Variants in KIAA0586 observed in about 807,000 individuals in gnomAD.
KIAA0586 encodes KIAA0586, also known as protein TALPID3.
Under a neutral mutation model 169.8 loss-of-function variants are expected in KIAA0586, and 144 were observed. That is an observed-to-expected ratio of 0.85 (90% confidence interval 0.74 to 0.97). KIAA0586 has a LOEUF of 0.97. Ranked by LOEUF, KIAA0586 falls within the 50% of genes least tolerant of loss-of-function variation. The pLI is 0.00. For missense variants in KIAA0586, 1,854 were observed against 1,823.0 expected (o/e 1.02, Z -0.31); for synonymous variants, 625 against 612.4 (o/e 1.02, Z -0.30).
At chr14:58,560,083 G>C in the KIAA0586 span, among the ~76,000 whole-genome samples, 1 of 151,486 alleles carries the variant, frequency 6.6e-6, no homozygotes, top group Non-Finnish European at 1.5e-5. Flanking sequence ...CCTGGGAGGC[G>C]GAGGTTGCAG....
intron 30 of KIAA0586, among the ~76,000 whole-genome samples, chr14:58,544,805 C>G (rs2046881746): frequency 6.6e-6 from 1 of 152,236 alleles, no homozygotes; most frequent in African/African-American, 2.4e-5. Context: ...CTCCTTACTG[C>G]TTTCACAGGA....
chr14:58,507,049 G>A (rs901971273), intron 27 of KIAA0586, among the ~76,000 whole-genome samples: 1 of 151,674 alleles, frequency 6.6e-6, no homozygotes, highest in Non-Finnish European at 1.5e-5. Context: ...TCAGGATGCT[G>A]AGGTAGAAGA....
chr14:58,536,961 C>A, intron 29 of KIAA0586: 1 of 1,148,860 alleles, frequency 8.7e-7, no homozygotes, highest in East Asian at 6.2e-5. Flanking sequence ...CAAAATTTTC[C>A]TTCTCATCTT....
chr14:58,525,460 G>A (rs1036594833), intron 29 of KIAA0586, among the ~76,000 whole-genome samples: 1 of 152,016 alleles, frequency 6.6e-6, no homozygotes, highest in Non-Finnish European at 1.5e-5. Flanking sequence ...GCAAGGGGTC[G>A]GGGAACTCCC....
chr14:58,482,503 T>G lies in KIAA0586; in HGVS notation c.2945-10T>G. On this transcript the variant is annotated splice_polypyrimidine_tract_variant and intron_variant, in intron 20 of 30. Coordinates refer to ENST00000652326, the MANE Select transcript of KIAA0586 (RefSeq NM_001329943.3). Reference sequence around the variant, plus strand: ...GCCCACTTATTCTGATTTTTTTTTTTTACTTTTAGTGGAAGGAACAAGCAG... The same window carrying G: ...GCCCACTTATTCTGATTTTTTTTTTGTACTTTTAGTGGAAGGAACAAGCAG... The G allele has an allele frequency of 6.8e-7, 1 of 1,465,686 alleles. No individual in the cohort carries two copies. The highest frequency in any genetic ancestry group is 9.1e-7 in the Non-Finnish European group (1 of 1,102,414). 90.8% of individuals were successfully genotyped at this position (1,465,686 alleles called of 1,614,324 possible).
chr14:58,490,854 A>G (rs1300856178), intron 25 of KIAA0586, among the ~76,000 whole-genome samples: 1 of 152,118 alleles, frequency 6.6e-6, no homozygotes, highest in Non-Finnish European at 1.5e-5. Flanking sequence ...AGGAAAGGTA[A>G]TTGTACTCAA....
intron 20 of KIAA0586, among the ~76,000 whole-genome samples, chr14:58,480,912 T>C (rs2041989207): frequency 6.6e-6 from 1 of 152,178 alleles, no homozygotes; most frequent in African/African-American, 2.4e-5. Context: ...ACAAATTGGG[T>C]ATTTAGATCC....
chr14:58,501,148 G>A (rs2043541194), intron 27 of KIAA0586, among the ~76,000 whole-genome samples: 1 of 152,124 alleles, frequency 6.6e-6, no homozygotes, highest in Non-Finnish European at 1.5e-5. Context: ...ATGCAGATTT[G>A]CCAGAAATCA....
At position 58,488,153 on chromosome 14, in the gene KIAA0586, T is replaced by C. The variant is rs571074480; in HGVS notation, c.3527+44T>C. ...ACTAGTAACTGTACATTTCAACTTA[T>C]GTTTGACTTATGTGATCCATTGAAA... On this transcript the variant is annotated intron_variant, in intron 23 of 30. Coordinates refer to ENST00000652326, the MANE Select transcript of KIAA0586 (RefSeq NM_001329943.3). 117 of 1,401,014 alleles carry C rather than the reference T, an allele frequency of 8.4e-5. No homozygotes were observed. The East Asian group carries it at 1.7e-3, about 20-fold the overall frequency. 86.8% of individuals were successfully genotyped at this position (1,401,014 alleles called of 1,614,324 possible). A position where few individuals can be genotyped will look rare whatever the true frequency, so the allele number is the denominator to read the frequency against.
intron 30 of KIAA0586, among the ~76,000 whole-genome samples, chr14:58,546,043 A>T (rs1464883108): frequency 2.6e-5 from 4 of 152,150 alleles, no homozygotes; most frequent in Non-Finnish European, 5.9e-5. Flanking sequence ...CAAAAAAAAG[A>T]TTTAAAAAAT....
In KIAA0586 at chr14:58,448,489, A is replaced by G. The variant is rs772540949; in HGVS notation, c.957A>G (p.Lys319=). ...CTTTATATAACACATTTGCTTCCAA[A>G]CAAGGTAAAAATATGTAGTTCTCTA... ...NPSLYNTFAS[K]QAPLKEVEDT... is the part of the protein sequence containing the mutation. Residue 319 remains lysine, a synonymous_variant, in exon 7 of 31, where the codon AAA becomes AAG. Coordinates refer to ENST00000652326, the MANE Select transcript of KIAA0586 (RefSeq NM_001329943.3). 6.2e-7 allele frequency: 1 copy of G among 1,601,830 alleles called. No individual in the cohort carries two copies. Among genetic ancestry groups the G allele is most frequent in the South Asian group, 1.1e-5 (1 of 89,198 alleles).
Position 58,548,000 on chromosome 14 carries a change from C to T in KIAA0586, c.*68C>T, listed in dbSNP as rs776278001. 93 of 1,573,546 alleles carry T rather than the reference C, an allele frequency of 5.9e-5. No homozygotes were observed. The Middle Eastern group carries it at 8.4e-4, about 14-fold the overall frequency. ...AAAGTCATTTTACCTTGGCTTAAAA[C>T]CCTCTCTCAGACTGTTTGGTTTTTG... On this transcript the variant is annotated 3_prime_UTR_variant, in exon 31 of 31. Coordinates refer to ENST00000652326, the MANE Select transcript of KIAA0586 (RefSeq NM_001329943.3).
chr14:58,457,692 T>C lies in KIAA0586; in HGVS notation c.1363-67T>C, dbSNP rs2039986100. ...TAATGTATGGCCTCAACAATAGTGA[T>C]AGCTGTTATTTTGATTAAAGGAATC... is the stretch of plus-strand genomic sequence containing the variant. On this transcript the variant is annotated intron_variant, in intron 10 of 30. Transcript: ENST00000652326. The C allele has an allele frequency of 3.1e-6, 3 of 978,492 alleles. No homozygotes were observed. The East Asian group carries it at 7.7e-5, about 25-fold the overall frequency. 60.6% of individuals were successfully genotyped at this position (978,492 alleles called of 1,614,324 possible).
chr14:58,521,602 G>A lies in KIAA0586; in HGVS notation c.4429+8975G>A, dbSNP rs1014640861. On this transcript the variant is annotated intron_variant, in intron 29 of 30. Transcript: ENST00000652326. ...GGGGAAAAAGTGGCTTCAATTCTAA[G>A]AGAGGACAGCGGGGATCTTCCAAGT... is the stretch of plus-strand genomic sequence containing the variant. 3 of 1,037,972 alleles carry A rather than the reference G, an allele frequency of 2.9e-6. No individual in the cohort carries two copies. In the African/African-American group the frequency reaches 4.7e-5, roughly 16 times the overall value. 64.3% of individuals were successfully genotyped at this position (1,037,972 alleles called of 1,614,324 possible).
At chr14:58,486,486 A>G (rs560222037) in intron 21 of KIAA0586, among the ~76,000 whole-genome samples, 55 of 152,270 alleles carry the variant, frequency 3.6e-4, no homozygotes, top group Non-Finnish European at 7.1e-4. Context: ...AAGAAGACAT[A>G]CAAGCAGTCA....
intron 26 of KIAA0586, among the ~76,000 whole-genome samples, chr14:58,495,865 A>G (rs1197653865): frequency 2.0e-5 from 3 of 152,148 alleles, no homozygotes; most frequent in Non-Finnish European, 4.4e-5. Context: ...ATACTAAGGC[A>G]TGGAATTGCT....
At chr14:58,447,113 G>A (rs772142387) in intron 6 of KIAA0586, among the ~76,000 whole-genome samples, 3 of 152,164 alleles carry the variant, frequency 2.0e-5, no homozygotes, top group Non-Finnish European at 4.4e-5. Flanking sequence ...ATTACAGAGA[G>A]AGTTGAAGTT....
intron 26 of KIAA0586, among the ~76,000 whole-genome samples, chr14:58,494,131 C>G (rs968250734): frequency 2.1e-4 from 32 of 151,698 alleles, no homozygotes; most frequent in Non-Finnish European, 4.0e-4. Flanking sequence ...CATTTTTCCC[C>G]CCTCTCTCTA....
intron 18 of KIAA0586, 42 bp from the exon 19 acceptor site, chr14:58,474,565 A>G: frequency 7.2e-7 from 1 of 1,394,362 alleles, no homozygotes; most frequent in Non-Finnish European, 9.6e-7. Flanking sequence ...TAAATGTTGA[A>G]CAAATACATG....
Sources: allele counts gnomAD v4.1 joint callset (sites outside exome capture counted in the v4.1 genomes callset), GRCh38; gene constraint gnomAD v4.1.1; transcripts MANE v1.5; gene names NCBI Gene and HGNC (gene_info 2026-07-23, HGNC 2026-07-21).